Variants in SMYD3 observed in about 807,000 individuals in gnomAD.
SMYD3 encodes the protein histone-lysine N-methyltransferase SMYD3.
SMYD3 carries 36 observed loss-of-function variants against 57.7 expected under a neutral mutation model. The ratio of observed to expected loss-of-function variants is 0.62; its 90% CI spans 0.48 to 0.82. SMYD3 has a LOEUF of 0.82. Among genes scored for constraint, SMYD3 ranks in the 40% least tolerant of loss-of-function variants. The pLI is 0.00. For synonymous variants in SMYD3, 211 were observed against 195.0 expected (o/e 1.08, Z -0.68); for missense variants, 515 against 538.8 (o/e 0.96, Z 0.44).
At chr1:246,327,467 C>T (rs2065375839) in intron 4 of SMYD3, 130 bp from the exon 5 acceptor site, 3 of 801,028 alleles carry the variant, frequency 3.7e-6, no homozygotes, top group Admixed American at 6.0e-5. Context: ...AGAGCAAATA[C>T]ATATTGTTTT....
intron 5 of SMYD3, among the ~76,000 whole-genome samples, chr1:246,063,940 C>T (rs1254322859): frequency 6.6e-6 from 1 of 152,082 alleles, no homozygotes; most frequent in Non-Finnish European, 1.5e-5. Context: ...ACGCCCAGCC[C>T]AGGTCTTTTC....
intron 5 of SMYD3, among the ~76,000 whole-genome samples, chr1:246,114,455 G>A (rs1335440175): frequency 1.3e-5 from 2 of 152,144 alleles, no homozygotes; most frequent in African/African-American, 4.8e-5. Context: ...CAACCTGCTT[G>A]TACAACATCC....
intron 1 of SMYD3, among the ~76,000 whole-genome samples, chr1:246,495,668 G>A (rs893020791): frequency 4.0e-5 from 6 of 151,804 alleles, no homozygotes; most frequent in South Asian, 2.1e-4. Context: ...TTGGCCATGC[G>A]AGTGACTCAC....
chr1:245,764,113 A>G lies in SMYD3; in HGVS notation c.1113T>C (p.Val371=). 1 of 1,614,068 alleles carries G rather than the reference A, an allele frequency of 6.2e-7. No homozygotes were observed. The highest frequency in any genetic ancestry group is 2.2e-5 in the East Asian group (1 of 44,868). The part of the protein sequence containing the change: ...FFPGSHPVRG[V]QVMKVGKLQL... The stretch of plus-strand genomic sequence containing the variant: ...GCAGTTTGCCAACTTTCATCACTTG[A>G]ACCCCTCTGACGGGATGGCTTCCTG... The change falls in exon 11 of 12, where the codon GTT becomes GTC. Residue 371 remains valine, a synonymous_variant. Transcript: ENST00000490107.
intron 5 of SMYD3, among the ~76,000 whole-genome samples, chr1:246,060,560 T>A (rs1358610838): frequency 6.6e-6 from 1 of 151,530 alleles, no homozygotes; most frequent in African/African-American, 2.4e-5. Flanking sequence ...AGAAAAGCAA[T>A]AAACTGTTAT....
At chr1:246,191,412 A>G (rs555432732) in intron 5 of SMYD3, among the ~76,000 whole-genome samples, 1 of 152,322 alleles carries the variant, frequency 6.6e-6, no homozygotes, top group South Asian at 2.1e-4. Flanking sequence ...GGCCTTGACA[A>G]GTTATGTAAG....
intron 10 of SMYD3, among the ~76,000 whole-genome samples, chr1:245,822,270 C>A (rs958887975): frequency 6.6e-6 from 1 of 151,366 alleles, no homozygotes; most frequent in African/African-American, 2.4e-5. Context: ...AATTGGAAAT[C>A]ATCATTCTCA....
At chr1:246,018,944 G>A (rs1362905387) in intron 5 of SMYD3, among the ~76,000 whole-genome samples, 4 of 152,130 alleles carry the variant, frequency 2.6e-5, no homozygotes, top group African/African-American at 9.7e-5. Context: ...TGTGTTAAAG[G>A]TATCAATGCT....
At chr1:246,451,805 GT>G (rs1319443553) in intron 1 of SMYD3, among the ~76,000 whole-genome samples, 8 of 152,254 alleles carry the variant, frequency 5.3e-5, no homozygotes, top group South Asian at 2.1e-4. Flanking sequence ...CTAAAAAGTA[GT>G]TTTTTTTAGT....
At chr1:245,895,778 C>A (rs1232949647) in intron 8 of SMYD3, among the ~76,000 whole-genome samples, 3 of 152,344 alleles carry the variant, frequency 2.0e-5, no homozygotes, top group Non-Finnish European at 2.9e-5. Context: ...ACAGCACCAG[C>A]ACAAAGTCAT....
intron 5 of SMYD3, among the ~76,000 whole-genome samples, chr1:246,139,849 T>C (rs548195906): frequency 6.6e-6 from 1 of 152,340 alleles, no homozygotes; most frequent in Non-Finnish European, 1.5e-5. Context: ...GAGCAGCTGA[T>C]CTAAGCTTTT....
intron 1 of SMYD3, chr1:246,417,378 G>A (rs1393112616): frequency 7.5e-6 from 1 of 133,894 alleles, no homozygotes; most frequent in Non-Finnish European, 1.7e-5. Flanking sequence ...AGGCAGCTGA[G>A]CAGAAGGAGG....
chr1:246,280,802 A>G (rs956877392), intron 5 of SMYD3, among the ~76,000 whole-genome samples: 1 of 152,206 alleles, frequency 6.6e-6, no homozygotes, highest in African/African-American at 2.4e-5. Context: ...TGCATTTATC[A>G]GATGCTTCAA....
At chr1:246,233,359 G>A (rs186320718) in intron 5 of SMYD3, among the ~76,000 whole-genome samples, 1 of 118,482 alleles carries the variant, frequency 8.4e-6, no homozygotes, top group African/African-American at 3.3e-5. Flanking sequence ...AATTCACACT[G>A]TGATGAACAT....
At chr1:246,249,181 T>G (rs937308544) in intron 5 of SMYD3, among the ~76,000 whole-genome samples, 74 of 151,720 alleles carry the variant, frequency 4.9e-4, no homozygotes, top group Admixed American at 4.7e-3. Flanking sequence ...GTGCGATCTC[T>G]GGCTCATTGC....
intron 5 of SMYD3, among the ~76,000 whole-genome samples, chr1:246,204,175 T>C (rs1308383958): frequency 1.3e-5 from 2 of 152,188 alleles, no homozygotes; most frequent in Non-Finnish European, 2.9e-5. Flanking sequence ...CCCCAAAAAC[T>C]GTAAGTGGGC....
intron 5 of SMYD3, among the ~76,000 whole-genome samples, chr1:246,209,956 A>G (rs1241814349): frequency 6.6e-6 from 1 of 152,186 alleles, no homozygotes; most frequent in African/African-American, 2.4e-5. Context: ...CTGACAAATG[A>G]CATCTTATCT....
chr1:246,459,864 C>T (rs1422048546), intron 1 of SMYD3, among the ~76,000 whole-genome samples: 1 of 143,254 alleles, frequency 7.0e-6, no homozygotes, highest in Admixed American at 7.7e-5. Context: ...TAAACTGTCA[C>T]GTGAACTGAA....
At chr1:246,483,196 T>G (rs1442862754) in intron 1 of SMYD3, among the ~76,000 whole-genome samples, 1 of 152,252 alleles carries the variant, frequency 6.6e-6, no homozygotes, top group African/African-American at 2.4e-5. Flanking sequence ...CGATGATATG[T>G]ATATTTCAAT....
Sources: gnomAD v4.1 joint callset for allele counts (sites outside exome capture counted in the v4.1 genomes callset) on GRCh38, gnomAD v4.1.1 for gene constraint, MANE v1.5 for transcripts, NCBI Gene and HGNC (gene_info 2026-07-23, HGNC 2026-07-21) for gene names.